The following NOSTRIN variants were observed in gnomAD, a reference collection of about 807,000 sequenced individuals.
NOSTRIN encodes nitric oxide synthase trafficking.
In NOSTRIN, 63 loss-of-function variants were observed where a neutral mutation model predicts 59.0. That is an observed-to-expected ratio of 1.07 (90% CI 0.87 to 1.32). The LOEUF (loss-of-function observed/expected upper bound fraction) is 1.32. Among genes scored for constraint, NOSTRIN ranks in the 40% most tolerant of loss-of-function variants. The pLI is 0.00. For synonymous variants in NOSTRIN, 200 were observed against 165.4 expected (o/e 1.21, Z -1.61); for missense variants, 512 against 473.1 (o/e 1.08, Z -0.76).
At position 168,819,173 on chromosome 2, in the gene NOSTRIN, T is replaced by G. The variant is rs534152218; in HGVS notation, c.114-5461T>G. 7.2e-5 allele frequency among the ~76,000 whole-genome samples: 11 copies of G among 152,272 alleles called. No homozygotes were observed. In the East Asian group the frequency reaches 2.1e-3, roughly 29 times the overall value. On this transcript the variant is annotated intron_variant, in intron 2 of 15. Coordinates refer to ENST00000317647, the MANE Select transcript of NOSTRIN (RefSeq NM_001039724.4). ...TTAGCTCTGCTCTCTCTACTCCCCTTGCATGTGGTACTTTTTCAGCTTGAA... is the reference window on the plus strand; with the variant it reads ...TTAGCTCTGCTCTCTCTACTCCCCTGGCATGTGGTACTTTTTCAGCTTGAA...
intron 7 of NOSTRIN, among the ~76,000 whole-genome samples, 192 bp downstream of exon 7, chr2:168,834,517 A>G (rs201300807): frequency 6.2e-5 from 8 of 129,190 alleles, no homozygotes; most frequent in East Asian, 3.0e-4. Context: ...GCACACACAC[A>G]CACACACACA....
chr2:168,804,906 GATAAC>G (rs550285420), intron 1 of NOSTRIN, among the ~76,000 whole-genome samples: 29 of 152,114 alleles, frequency 1.9e-4, no homozygotes, highest in Non-Finnish European at 4.1e-4. Context: ...GAAATTTTAT[GATAAC>G]ATTACAGTTG....
chr2:168,859,366 TC>T, intron 12 of NOSTRIN, 145 bp from the exon 13 acceptor site: 1 of 1,249,678 alleles, frequency 8.0e-7, no homozygotes, highest in Non-Finnish European at 1.1e-6. Context: ...CATTTTTTTT[TC>T]CTTCGGCATT....
At chr2:168,862,164 A>C in intron 15 of NOSTRIN, 115 bp downstream of exon 15, 1 of 847,464 alleles carries the variant, frequency 1.2e-6, no homozygotes, top group Non-Finnish European at 1.9e-6. Flanking sequence ...AAATCAGTTC[A>C]CCCTTCTTGA....
rs560690042 is a variant in NOSTRIN at position 168,791,756 on chromosome 2, C to A, written c.-473+3708C>A. Among the ~76,000 whole-genome samples, 28 of 151,174 alleles carry A rather than the reference C, an allele frequency of 1.9e-4. No individual in the cohort carries two copies. In the East Asian group the frequency reaches 4.1e-3, roughly 22 times the overall value. ...TCTGATGGCCAGTGACGGTTTTTTT[C>A]ATGTGTTTTTTGGCTGCATAAATGT... On this transcript the variant is annotated intron_variant, in intron 2 of 20. Coordinates refer to the NOSTRIN transcript ENST00000458381.
chr2:168,810,173 ACT>A (rs1686059312), intron 1 of NOSTRIN, among the ~76,000 whole-genome samples: 1 of 152,074 alleles, frequency 6.6e-6, no homozygotes, highest in Admixed American at 6.5e-5. Context: ...GATTTTACAA[ACT>A]CTGCTTTAGA....
intron 12 of NOSTRIN, among the ~76,000 whole-genome samples, chr2:168,857,187 A>G (rs1689181826): frequency 6.6e-6 from 1 of 152,208 alleles, no homozygotes; most frequent in Non-Finnish European, 1.5e-5. Context: ...AAATGGGGAT[A>G]TTGGTACTTT....
At chr2:168,817,232 TG>T (rs1686458047) in intron 2 of NOSTRIN, among the ~76,000 whole-genome samples, 2 of 152,230 alleles carry the variant, frequency 1.3e-5, no homozygotes, top group Admixed American at 1.3e-4. Flanking sequence ...TAGGCAGTTT[TG>T]GGCACTGCCC....
At chr2:168,817,341 T>G (rs1370029100) in intron 2 of NOSTRIN, among the ~76,000 whole-genome samples, 1 of 152,204 alleles carries the variant, frequency 6.6e-6, no homozygotes, top group African/African-American at 2.4e-5. Flanking sequence ...TGAAGCCCAG[T>G]GGCTTTCAAA....
chr2:168,855,320 C>G (rs753751695), intron 10 of NOSTRIN, 32 bp from the exon 11 acceptor site: 2 of 1,163,078 alleles, frequency 1.7e-6, no homozygotes, highest in South Asian at 1.4e-5. Context: ...TACTTCTTCC[C>G]CCTTGTTAGA....
At chr2:168,840,853 A>G (rs1474924353) in intron 7 of NOSTRIN, among the ~76,000 whole-genome samples, 1 of 152,180 alleles carries the variant, frequency 6.6e-6, no homozygotes, top group African/African-American at 2.4e-5. Flanking sequence ...GTCAAAACTC[A>G]GATTTTCTAA....
chr2:168,819,168 C>A (rs2105585771), intron 2 of NOSTRIN, among the ~76,000 whole-genome samples: 1 of 152,236 alleles, frequency 6.6e-6, no homozygotes, highest in East Asian at 1.9e-4. Flanking sequence ...TCTCTCTACT[C>A]CCCTTGCATG....
intron 3 of NOSTRIN, among the ~76,000 whole-genome samples, chr2:168,827,764 CT>C (rs1251855066): frequency 6.6e-6 from 1 of 151,796 alleles, no homozygotes; most frequent in East Asian, 1.9e-4. Flanking sequence ...GAGAAAAGGT[CT>C]CGCTGTGTGT....
chr2:168,848,694 A>G (rs1165389104), intron 8 of NOSTRIN, among the ~76,000 whole-genome samples: 1 of 152,204 alleles, frequency 6.6e-6, no homozygotes. Flanking sequence ...GCAAAAGAAC[A>G]AGTAGTGTAT....
intron 8 of NOSTRIN, among the ~76,000 whole-genome samples, chr2:168,843,538 A>G (rs991726356): frequency 1.3e-5 from 2 of 152,326 alleles, no homozygotes; most frequent in Admixed American, 1.3e-4. Context: ...TAACATCTCA[A>G]TGCTTGAGAT....
rs749064043 is a variant in NOSTRIN at position 168,859,551 on chromosome 2, A to G, written c.1093A>G (p.Lys365Glu). 1 of 1,614,158 alleles carries G rather than the reference A, an allele frequency of 6.2e-7. No homozygotes were observed. The highest frequency in any genetic ancestry group is 1.1e-5 in the South Asian group (1 of 91,084). The change falls in exon 13 of 16, where the codon AAA becomes GAA. Residue 365 changes from lysine to glutamate, a missense_variant. Coordinates refer to ENST00000317647, the MANE Select transcript of NOSTRIN (RefSeq NM_001039724.4). ...KLDLLEANSY[K>E]LSSMLAELEQ... ...AGACCTTTTGGAAGCGAACTCCTACAAACTGTCATCAATGTTAGCAGAACT... is the reference window on the plus strand; with the variant it reads ...AGACCTTTTGGAAGCGAACTCCTACGAACTGTCATCAATGTTAGCAGAACT...
intron 13 of NOSTRIN, 72 bp downstream of exon 13, chr2:168,859,709 G>A: frequency 4.6e-6 from 7 of 1,533,560 alleles, no homozygotes; most frequent in South Asian, 2.5e-5. Context: ...AGTAGCATCA[G>A]GGCAAAAAAG....
Position 168,856,824 on chromosome 2 carries a change from G to A in NOSTRIN, c.1053+46G>A, listed in dbSNP as rs370018048. The A allele has an allele frequency of 8.0e-5, 124 of 1,556,060 alleles. No homozygotes were observed. In the Middle Eastern group the frequency reaches 8.4e-4, roughly 11 times the overall value. ...TTTCCTAGATGTAGTGATGAAAAGG[G>A]TTATTTTTAGAATACTTGTTTCTGG... is the stretch of plus-strand genomic sequence containing the variant. On this transcript the variant is annotated intron_variant, in intron 12 of 15. Coordinates refer to ENST00000317647, the MANE Select transcript of NOSTRIN (RefSeq NM_001039724.4).
At chr2:168,812,262 G>A (rs1031421665) in intron 2 of NOSTRIN, among the ~76,000 whole-genome samples, 2 of 152,086 alleles carry the variant, frequency 1.3e-5, no homozygotes, top group Non-Finnish European at 2.9e-5. Flanking sequence ...GACCTTTTAG[G>A]CCTTTTCCCT....
Sources: allele counts gnomAD v4.1 joint callset (sites outside exome capture counted in the v4.1 genomes callset), GRCh38; gene constraint gnomAD v4.1.1; transcripts MANE v1.5; gene names NCBI Gene and HGNC (gene_info 2026-07-23, HGNC 2026-07-21).